Variants in HECTD4 observed in about 807,000 individuals in gnomAD.
The protein encoded by HECTD4 is probable E3 ubiquitin-protein ligase HECTD4.
In HECTD4, 114 loss-of-function variants were observed where a neutral mutation model predicts 471.5. The observed-to-expected ratio is 0.24, with a 90% confidence interval of 0.21 to 0.28. The LOEUF is 0.28. Among genes scored for constraint, HECTD4 ranks in the 10% least tolerant of loss-of-function variants. The pLI is 1.00. For synonymous variants in HECTD4, 2,012 were observed against 2,256.0 expected, an observed-to-expected ratio of 0.89 and a Z score of 3.07; for missense variants, 3,866 against 5,651.5, an observed-to-expected ratio of 0.68 and a Z score of 10.13.
chr12:112,278,869 G>A (rs1235121075), intron 9 of HECTD4, among the ~76,000 whole-genome samples: 1 of 152,164 alleles, frequency 6.6e-6, no homozygotes, highest in Admixed American at 6.5e-5. Context: ...CTCCAGCCTG[G>A]GTGACAGAGC....
intron 1 of HECTD4, among the ~76,000 whole-genome samples, chr12:112,346,004 T>C (rs995091812): frequency 6.6e-6 from 1 of 152,180 alleles, no homozygotes; most frequent in Non-Finnish European, 1.5e-5. Flanking sequence ...GGAGAAACAT[T>C]TACCAAATGT....
rs371550660 is a variant in HECTD4, at chr12:112,195,129, C to A, written c.8568-63G>T. 13 of 1,423,908 alleles carry A rather than the reference C, an allele frequency of 9.1e-6. No homozygotes were observed. The East Asian group carries it at 1.0e-4, about 11-fold the overall frequency. The allele number at this position is 1,423,908 out of a possible 1,614,324, so 88.2% of individuals were successfully genotyped here. A position where few individuals can be genotyped will look rare whatever the true frequency, so the allele number is the denominator to read the frequency against. On this transcript the variant is annotated intron_variant, in intron 55 of 75. Transcript: ENST00000682272. ...GATGCTCCGGCCCCCATACCGGGACCAGGCCGCAGGTTCTGAAGGAAAAGG... is the reference window on the plus strand; with the variant it reads ...GATGCTCCGGCCCCCATACCGGGACAAGGCCGCAGGTTCTGAAGGAAAAGG...
At chr12:112,321,707 C>G (rs146626071) in intron 1 of HECTD4, 1 of 152,058 alleles carries the variant, frequency 6.6e-6, no homozygotes, top group Non-Finnish European at 1.5e-5. Context: ...ACAATGCAAA[C>G]GCTGTAATTG....
At position 112,243,781 on chromosome 12, in the gene HECTD4, G is replaced by A; in HGVS notation, c.4650-20C>T. ...CGACGCCTACGGGGAACACAGAACA[G>A]ACTGGCAAGACGAGAAACACACTCA... On this transcript the variant is annotated intron_variant, in intron 30 of 75. Transcript: ENST00000682272. This position sits in a 1 kb window ranked among gnomAD's most constrained non-coding sequence, Gnocchi z 6.6. 6.2e-7 allele frequency: 1 copy of A among 1,610,632 alleles called. No individual in the cohort carries two copies. The highest frequency in any genetic ancestry group is 8.5e-7 in the Non-Finnish European group (1 of 1,177,386).
At chr12:112,219,549 G>T in intron 44 of HECTD4, 60 bp from the exon 45 acceptor site, 1 of 1,173,108 alleles carries the variant, frequency 8.5e-7, no homozygotes, top group South Asian at 1.3e-5. Flanking sequence ...AGTGGGTGCT[G>T]ACTCTTTTGG....
intron 20 of HECTD4, among the ~76,000 whole-genome samples, chr12:112,257,432 C>T (rs1303680389): frequency 6.6e-6 from 1 of 152,160 alleles, no homozygotes; most frequent in African/African-American, 2.4e-5. Context: ...ACATAACTGA[C>T]ATAATAAATT....
At chr12:112,312,318 A>G (rs1358149337) in intron 4 of HECTD4, among the ~76,000 whole-genome samples, 1 of 152,152 alleles carries the variant, frequency 6.6e-6, no homozygotes, top group Non-Finnish European at 1.5e-5. Context: ...CTGGTTTGGG[A>G]GCAAGCCTAC....
chr12:112,263,830 TAAAAG>T (rs932846665), intron 17 of HECTD4, among the ~76,000 whole-genome samples: 2 of 151,932 alleles, frequency 1.3e-5, no homozygotes, highest in African/African-American at 4.8e-5. Context: ...TTATAGTTCT[TAAAAG>T]AAGATGGAAG....
Position 112,238,944 on chromosome 12 carries a change from T to C in HECTD4, c.5290+108A>G, listed in dbSNP as rs1593963965. 7 of 1,063,388 alleles carry C rather than the reference T, an allele frequency of 6.6e-6. No individual in the cohort carries two copies. The South Asian group carries it at 1.2e-4, about 19-fold the overall frequency. 65.9% of individuals were successfully genotyped at this position (1,063,388 alleles called of 1,614,324 possible). Reference sequence around the variant, plus strand: ...TCCACTGATTTAACCCATCTGATCATGTCATTTAATAGAGGCTTTCTCTCT... The same window carrying C: ...TCCACTGATTTAACCCATCTGATCACGTCATTTAATAGAGGCTTTCTCTCT... On this transcript the variant is annotated intron_variant, in intron 34 of 75. Coordinates refer to ENST00000682272, the MANE Select transcript of HECTD4 (RefSeq NM_001388303.1).
At chr12:112,335,435 G>A (rs1010165714) in intron 1 of HECTD4, among the ~76,000 whole-genome samples, 1 of 152,170 alleles carries the variant, frequency 6.6e-6, no homozygotes, top group Non-Finnish European at 1.5e-5. Context: ...GCTCATGCCT[G>A]TAATCCCAGC....
chr12:112,341,317 T>G (rs1389624173), intron 1 of HECTD4, among the ~76,000 whole-genome samples: 3 of 152,204 alleles, frequency 2.0e-5, no homozygotes, highest in African/African-American at 7.2e-5. Flanking sequence ...TCAGCACTTC[T>G]GTTTGAGACT....
chr12:112,353,834 G>T (rs2036286589), intron 1 of HECTD4, among the ~76,000 whole-genome samples: 1 of 152,162 alleles, frequency 6.6e-6, no homozygotes, highest in South Asian at 2.1e-4. Flanking sequence ...TATAGAAATA[G>T]AACTTTATTA....
intron 35 of HECTD4, among the ~76,000 whole-genome samples, chr12:112,236,334 C>A (rs1178354824): frequency 6.6e-6 from 1 of 152,190 alleles, no homozygotes; most frequent in Non-Finnish European, 1.5e-5. Flanking sequence ...CAGAGATTAA[C>A]TTGTAAATAG....
At chr12:112,279,588 GCCT>G (rs1178928838) in intron 8 of HECTD4, among the ~76,000 whole-genome samples, 2 of 152,156 alleles carry the variant, frequency 1.3e-5, no homozygotes, top group Non-Finnish European at 2.9e-5. Context: ...CTGACCCTGA[GCCT>G]CCTATTTATA....
chr12:112,375,159 C>G (rs1301835395), intron 1 of HECTD4, among the ~76,000 whole-genome samples: 1 of 152,208 alleles, frequency 6.6e-6, no homozygotes, highest in Non-Finnish European at 1.5e-5. Flanking sequence ...TGGAGTCTTA[C>G]AGTATATACT....
In HECTD4 at chr12:112,194,754, C is replaced by T. The variant is rs562504860; in HGVS notation, c.8749+131G>A. On this transcript the variant is annotated intron_variant, in intron 56 of 75. Transcript: ENST00000682272. The surrounding 1 kb of genome is among the most constrained non-coding windows in gnomAD (Gnocchi z 4.6). ...CCTGCCAGGAGAATCCCAGTTCCTGCGTGCAATTTCTCACGTGAGCCTATG... is the reference window on the plus strand; with the variant it reads ...CCTGCCAGGAGAATCCCAGTTCCTGTGTGCAATTTCTCACGTGAGCCTATG... 8.4e-4 allele frequency: 646 copies of T among 773,416 alleles called. 3 individuals are homozygous for T. The highest frequency in any genetic ancestry group is 1.2e-3 in the Non-Finnish European group (578 of 487,722). 47.9% of individuals were successfully genotyped at this position (773,416 alleles called of 1,614,324 possible).
chr12:112,210,297 T>C, intron 49 of HECTD4, 45 bp from the exon 50 acceptor site: 2 of 1,586,394 alleles, frequency 1.3e-6, no homozygotes, highest in Admixed American at 3.4e-5. Flanking sequence ...CTTACGTTTA[T>C]TTTTATTTCT....
intron 2 of HECTD4, among the ~76,000 whole-genome samples, chr12:112,316,277 A>C (rs1594037771): frequency 6.6e-6 from 1 of 152,270 alleles, no homozygotes; most frequent in South Asian, 2.1e-4. Context: ...TCCAGGGCCC[A>C]GTTCAAGTGT....
In HECTD4 at chr12:112,163,063, C is replaced by T. The variant is rs768829841; in HGVS notation, c.13099G>A (p.Ala4367Thr). ...GTACCTGCTGTGCCATCTGGGGGGG[C>T]GATCTTCATGGGGTACGGGGGCACA... The part of the protein sequence containing the change: ...AHVPPYPMKI[A>T]PPDGTAGSPD... Residue 4367 changes from alanine to threonine, a missense_variant, in exon 75 of 76, where the codon GCC becomes ACC. Ala to Thr is a moderately conservative substitution (Grantham distance 58, BLOSUM62 0). Transcript: ENST00000682272. This position sits in a 1 kb window ranked among gnomAD's most constrained non-coding sequence, Gnocchi z 8.2. 3 of 1,611,272 alleles carry T rather than the reference C, an allele frequency of 1.9e-6. No individual in the cohort carries two copies. Among genetic ancestry groups the T allele is most frequent in the Admixed American group, 1.7e-5 (1 of 59,862 alleles).
Sources: allele counts gnomAD v4.1 joint callset (sites outside exome capture counted in the v4.1 genomes callset), GRCh38; gene constraint gnomAD v4.1.1; non-coding constraint Gnocchi (gnomAD v3.1); transcripts MANE v1.5; gene names NCBI Gene and HGNC (gene_info 2026-07-23, HGNC 2026-07-21).